CACNA2D1: variants seen among roughly 807,000 people sequenced by gnomAD.
CACNA2D1 encodes the protein voltage-dependent calcium channel subunit alpha-2/delta-1.
A neutral mutation model predicts 171.5 loss-of-function variants in CACNA2D1; 53 were observed. The ratio of observed to expected loss-of-function variants is 0.31; its 90% CI spans 0.25 to 0.39. CACNA2D1 has a LOEUF of 0.39. Ranked by LOEUF, CACNA2D1 falls within the 10% of genes least tolerant of loss-of-function variation. The probability of loss-of-function intolerance (pLI) is 1.00; values close to 1 mark genes in which losing one functional copy is unlikely to be tolerated. For synonymous variants in CACNA2D1, 442 were observed against 443.1 expected (o/e 1.00, Z 0.03); for missense variants, 903 against 1,299.8 (o/e 0.69, Z 4.69).
intron 3 of CACNA2D1, among the ~76,000 whole-genome samples, chr7:82,181,717 A>T (rs964301106): frequency 4.6e-5 from 7 of 152,244 alleles, no homozygotes; most frequent in Admixed American, 3.3e-4. Flanking sequence ...TTGAAAAAAT[A>T]AACCTTGTAA....
intron 3 of CACNA2D1, among the ~76,000 whole-genome samples, chr7:82,292,551 T>TA (rs1229796463): frequency 6.6e-6 from 1 of 152,222 alleles, no homozygotes; most frequent in East Asian, 1.9e-4. Flanking sequence ...TATACAATTC[T>TA]AGTTTGGAAA....
At chr7:82,167,877 C>G (rs1207035050) in intron 4 of CACNA2D1, among the ~76,000 whole-genome samples, 1 of 152,040 alleles carries the variant, frequency 6.6e-6, no homozygotes, top group Non-Finnish European at 1.5e-5. Context: ...CACATGGTGA[C>G]CACCATTTGC....
At chr7:82,173,635 A>C (rs1337453016) in intron 3 of CACNA2D1, among the ~76,000 whole-genome samples, 1 of 151,954 alleles carries the variant, frequency 6.6e-6, no homozygotes, top group Non-Finnish European at 1.5e-5. Flanking sequence ...TACTTATAGA[A>C]AACCGACATG....
intron 36 of CACNA2D1, 98 bp from the exon 37 acceptor site, chr7:81,959,927 ATGACATC>A: frequency 9.3e-6 from 14 of 1,506,376 alleles, no homozygotes; most frequent in Non-Finnish European, 1.2e-5. Flanking sequence ...AAGACAAAAT[ATGACATC>A]TGAAACAGAA....
At chr7:82,122,465 A>G (rs1027492872) in intron 5 of CACNA2D1, among the ~76,000 whole-genome samples, 2 of 152,210 alleles carry the variant, frequency 1.3e-5, no homozygotes, top group Non-Finnish European at 1.5e-5. Flanking sequence ...TGAATTGCCT[A>G]TCACAAGACC....
chr7:82,197,887 T>C (rs1799011016), intron 3 of CACNA2D1, among the ~76,000 whole-genome samples: 1 of 151,626 alleles, frequency 6.6e-6, no homozygotes, highest in Non-Finnish European at 1.5e-5. Flanking sequence ...ATGGGAAATG[T>C]GCATATATAT....
intron 3 of CACNA2D1, among the ~76,000 whole-genome samples, chr7:82,280,565 T>G (rs1221214414): frequency 2.0e-5 from 3 of 152,216 alleles, no homozygotes; most frequent in African/African-American, 4.8e-5. Flanking sequence ...GAAATTTACA[T>G]TTTTTAAATT....
At chr7:82,243,357 T>A (rs771118458) in intron 3 of CACNA2D1, among the ~76,000 whole-genome samples, 1 of 152,138 alleles carries the variant, frequency 6.6e-6, no homozygotes, top group Non-Finnish European at 1.5e-5. Context: ...TCCTTTAAAA[T>A]TCAATTCTGC....
intron 1 of CACNA2D1, among the ~76,000 whole-genome samples, chr7:82,412,954 T>A (rs569073539): frequency 6.6e-6 from 1 of 152,246 alleles, no homozygotes; most frequent in African/African-American, 2.4e-5. Flanking sequence ...AAAGTGTTTA[T>A]AAGCCATTCA....
chr7:82,120,731 C>T (rs1256876427), intron 5 of CACNA2D1, among the ~76,000 whole-genome samples: 2 of 151,716 alleles, frequency 1.3e-5, no homozygotes, highest in African/African-American at 2.4e-5. Context: ...AAAAATTAGC[C>T]GAGTGTGGTG....
At chr7:82,362,368 A>G (rs1188915411) in intron 1 of CACNA2D1, among the ~76,000 whole-genome samples, 1 of 152,186 alleles carries the variant, frequency 6.6e-6, no homozygotes, top group East Asian at 1.9e-4. Flanking sequence ...CTGAGGCTAG[A>G]TCTGTGAATC....
At chr7:82,019,834 T>TA (rs983656309) in intron 12 of CACNA2D1, among the ~76,000 whole-genome samples, 1 of 152,086 alleles carries the variant, frequency 6.6e-6, no homozygotes, top group East Asian at 1.9e-4. Flanking sequence ...AAAAATAAAA[T>TA]AAAAACTTCA....
At chr7:82,309,888 C>T (rs1216107591) in intron 3 of CACNA2D1, among the ~76,000 whole-genome samples, 1 of 152,084 alleles carries the variant, frequency 6.6e-6, no homozygotes, top group Admixed American at 6.6e-5. Context: ...GGAAGACATT[C>T]GCAAGGGTAC....
rs2237519 is a variant in CACNA2D1, at chr7:82,269,478, G to A, written c.294+65657C>T. 6.4e-3 allele frequency among the ~76,000 whole-genome samples: 972 copies of A among 152,122 alleles called. 35 individuals are homozygous for A. In the East Asian group the frequency reaches 0.11, roughly 17 times the overall value. ...CATAACTTTGCATTGTGTACCACCC[G>A]AAATTCTCTAGAATATTCTCTTTAC... On this transcript the variant is annotated intron_variant, in intron 3 of 38. Coordinates refer to ENST00000356860, the MANE Select transcript of CACNA2D1 (RefSeq NM_000722.4).
intron 3 of CACNA2D1, among the ~76,000 whole-genome samples, chr7:82,299,803 A>G (rs558241508): frequency 6.6e-6 from 1 of 152,338 alleles, no homozygotes; most frequent in Non-Finnish European, 1.5e-5. Flanking sequence ...CTAAATTAAT[A>G]GGATTATAGA....
At chr7:82,234,215 A>G (rs1803282471) in intron 3 of CACNA2D1, among the ~76,000 whole-genome samples, 1 of 152,126 alleles carries the variant, frequency 6.6e-6, no homozygotes, top group African/African-American at 2.4e-5. Context: ...TATGTGTGGA[A>G]CTAGATAATT....
intron 3 of CACNA2D1, among the ~76,000 whole-genome samples, chr7:82,218,337 T>A (rs963351137): frequency 1.3e-5 from 2 of 152,154 alleles, no homozygotes; most frequent in Admixed American, 1.3e-4. Flanking sequence ...GGAGGCTCGC[T>A]CTCTTATTCA....
intron 10 of CACNA2D1, among the ~76,000 whole-genome samples, chr7:82,056,496 T>A (rs935576639): frequency 6.6e-6 from 1 of 152,124 alleles, no homozygotes; most frequent in African/African-American, 2.4e-5. Flanking sequence ...CAGCTCTGTA[T>A]GTGTCAACTG....
intron 3 of CACNA2D1, among the ~76,000 whole-genome samples, chr7:82,211,276 G>A (rs1245117738): frequency 2.6e-5 from 4 of 151,960 alleles, no homozygotes; most frequent in African/African-American, 4.8e-5. Flanking sequence ...TACATGTTGC[G>A]GGGGTTTGGT....
Sources: gnomAD v4.1 joint callset for allele counts (sites outside exome capture counted in the v4.1 genomes callset) on GRCh38, gnomAD v4.1.1 for gene constraint, MANE v1.5 for transcripts, NCBI Gene and HGNC (gene_info 2026-07-23, HGNC 2026-07-21) for gene names.